The following GHITM variants were observed in gnomAD, a reference collection of about 807,000 sequenced individuals.
GHITM encodes the protein growth hormone-inducible transmembrane protein.
A neutral mutation model predicts 38.7 loss-of-function variants in GHITM; 24 were observed. The observed-to-expected ratio is 0.62, with a 90% confidence interval of 0.45 to 0.87. The LOEUF is 0.87. Ranked by LOEUF, GHITM falls within the 40% of genes least tolerant of loss-of-function variation. GHITM has a pLI of 0.00. For synonymous variants in GHITM, 154 were observed against 147.8 expected (o/e 1.04, Z -0.30); for missense variants, 420 against 429.8 (o/e 0.98, Z 0.20).
intron 6 of GHITM, among the ~76,000 whole-genome samples, chr10:84,149,309 T>C (rs1477747357): frequency 6.6e-6 from 1 of 152,224 alleles, no homozygotes; most frequent in African/African-American, 2.4e-5. Context: ...TTTTAAATTA[T>C]TCATCATCAT....
intron 3 of GHITM, among the ~76,000 whole-genome samples, chr10:84,143,360 A>G (rs1035639630): frequency 2.6e-5 from 4 of 152,184 alleles, no homozygotes; most frequent in African/African-American, 9.7e-5. Context: ...TTTCTTTCTG[A>G]TTTGACCCTA....
intron 5 of GHITM, among the ~76,000 whole-genome samples, chr10:84,148,087 G>A (rs915644197): frequency 6.6e-6 from 1 of 151,652 alleles, no homozygotes; most frequent in Non-Finnish European, 1.5e-5. Context: ...ATCCCTAAAG[G>A]GTTTTTGTTT....
intron 2 of GHITM, among the ~76,000 whole-genome samples, chr10:84,141,994 C>T (rs963050621): frequency 2.0e-5 from 3 of 152,146 alleles, no homozygotes; most frequent in African/African-American, 4.8e-5. Context: ...TAATAAATTA[C>T]TAAATATATT....
At chr10:84,150,302 A>T (rs932055390) in intron 7 of GHITM, 59 bp downstream of exon 7, 22 of 1,245,698 alleles carry the variant, frequency 1.8e-5, no homozygotes, top group Non-Finnish European at 2.4e-5. Context: ...AACCTGAAAT[A>T]CTCCAATATC....
intron 1 of GHITM, 111 bp from the exon 2 acceptor site, chr10:84,141,351 T>TA (rs1841504172): frequency 3.2e-6 from 2 of 616,820 alleles, no homozygotes; most frequent in Non-Finnish European, 5.6e-6. Flanking sequence ...CCTGTTCTAC[T>TA]AAAAAATAGT....
intron 6 of GHITM, among the ~76,000 whole-genome samples, chr10:84,149,324 T>G (rs1841587662): frequency 6.6e-6 from 1 of 152,248 alleles, no homozygotes; most frequent in African/African-American, 2.4e-5. Flanking sequence ...CATCATGAGA[T>G]AGTATACCTT....
chr10:84,152,436 C>T lies in GHITM; in HGVS notation c.*88C>T, dbSNP rs1439230240. 3.2e-5 allele frequency: 21 copies of T among 657,200 alleles called. 1 individual carries two copies. Among genetic ancestry groups the T allele is most frequent in the Admixed American group, 5.6e-5 (2 of 35,810 alleles). The allele number at this position is 657,200 out of a possible 1,614,324, so 40.7% of individuals were successfully genotyped here. On this transcript the variant is annotated 3_prime_UTR_variant, in exon 9 of 9. Coordinates refer to ENST00000372134, the MANE Select transcript of GHITM (RefSeq NM_014394.3). ...TTAAATAGTTTGTACAAGCAGCTTT[C>T]GTTGAAGTTTAGAAGATAAGAAACA...
At chr10:84,150,283 GT>G in intron 7 of GHITM, 40 bp downstream of exon 7, 1 of 1,433,842 alleles carries the variant, frequency 7.0e-7, no homozygotes, top group Non-Finnish European at 9.4e-7. Context: ...TTGGTGCATA[GT>G]TTCCTGTAAC....
intron 8 of GHITM, among the ~76,000 whole-genome samples, chr10:84,151,219 T>A (rs1841609055): frequency 6.6e-6 from 1 of 152,148 alleles, no homozygotes; most frequent in Non-Finnish European, 1.5e-5. Context: ...GCTCTTCCTG[T>A]GTACCAGGGA....
chr10:84,142,653 A>G lies in GHITM; in HGVS notation c.130-2A>G. ...ACGTGTCTTTGTTTGCATGTGTGTC[A>G]GGAATATGCCACCAAAACAAGAATT... On this transcript the variant is annotated splice_acceptor_variant, in intron 2 of 8. Transcript: ENST00000372134. LOFTEE classifies it high-confidence loss of function. 3.1e-6 allele frequency: 5 copies of G among 1,603,814 alleles called. No homozygotes were observed. Among genetic ancestry groups the G allele is most frequent in the East Asian group, 2.2e-5 (1 of 44,736 alleles).
At chr10:84,141,696 T>C in intron 2 of GHITM, 67 bp downstream of exon 2, 4 of 1,456,894 alleles carry the variant, frequency 2.7e-6, no homozygotes, top group South Asian at 2.3e-5. Flanking sequence ...TTTGGCAGAG[T>C]ATGGCTGCTC....
At chr10:84,141,767 C>T (rs1321395966) in intron 2 of GHITM, 138 bp downstream of exon 2, 1 of 768,008 alleles carries the variant, frequency 1.3e-6, no homozygotes, top group Non-Finnish European at 2.2e-6. Context: ...CTCTTTCTCC[C>T]CATTAGTTTG....
rs991331783 is a variant in GHITM at position 84,153,351 on chromosome 10, A to G, written c.*1003A>G. ...CTTTTGGTTTCTCGCATTGCCTCTC[A>G]GACTAAGCACTAAAAAGCAAAGCAA... On this transcript the variant is annotated 3_prime_UTR_variant, in exon 9 of 9. Transcript: ENST00000372134. 2 of 152,212 alleles carry G rather than the reference A, an allele frequency of 1.3e-5. No homozygotes were observed. The highest frequency in any genetic ancestry group is 4.8e-5 in the African/African-American group (2 of 41,458). The allele number at this position is 152,212 out of a possible 1,614,324, so 9.4% of individuals were successfully genotyped here.
At chr10:84,140,968 CTTT>C (rs1257688164) in intron 1 of GHITM, among the ~76,000 whole-genome samples, 1 of 152,170 alleles carries the variant, frequency 6.6e-6, no homozygotes, top group Non-Finnish European at 1.5e-5. Context: ...TAGTTGGCTT[CTTT>C]TAATACCTTT....
chr10:84,141,379 C>A, intron 1 of GHITM, 83 bp from the exon 2 acceptor site: 1 of 722,106 alleles, frequency 1.4e-6, no homozygotes. Context: ...TTGACTCTGA[C>A]TCTCATATGT....
intron 3 of GHITM, 72 bp from the exon 4 acceptor site, chr10:84,143,923 C>G: frequency 9.9e-7 from 1 of 1,009,888 alleles, no homozygotes; most frequent in Non-Finnish European, 1.6e-6. Context: ...GATTTGATTC[C>G]CTTGATAAAT....
chr10:84,151,353 T>G (rs1178248837), intron 8 of GHITM, among the ~76,000 whole-genome samples: 1 of 152,220 alleles, frequency 6.6e-6, no homozygotes, highest in Non-Finnish European at 1.5e-5. Context: ...TTTAGTAAAC[T>G]ATCCAAAAAA....
At chr10:84,148,511 G>T (rs1447327648) in intron 5 of GHITM, among the ~76,000 whole-genome samples, 5 of 152,226 alleles carry the variant, frequency 3.3e-5, no homozygotes, top group Non-Finnish European at 4.4e-5. Flanking sequence ...AGCCAGGCTG[G>T]TCTCAAACTT....
At chr10:84,142,936 T>C (rs747335225) in intron 3 of GHITM, among the ~76,000 whole-genome samples, 182 bp downstream of exon 3, 36 of 152,234 alleles carry the variant, frequency 2.4e-4, no homozygotes, top group Non-Finnish European at 2.5e-4. Flanking sequence ...TTATCAATCA[T>C]ATTTCTTCCA....
Sources: gnomAD v4.1 joint callset for allele counts (sites outside exome capture counted in the v4.1 genomes callset) on GRCh38, gnomAD v4.1.1 for gene constraint, MANE v1.5 for transcripts, NCBI Gene and HGNC (gene_info 2026-07-23, HGNC 2026-07-21) for gene names.